The following RIN1 variants were observed in gnomAD, a reference collection of about 807,000 sequenced individuals.
RIN1 encodes the protein ras inhibitor 1.
RIN1 carries 52 observed loss-of-function variants against 64.9 expected under a neutral mutation model. The ratio of observed to expected loss-of-function variants is 0.80; its 90% CI spans 0.64 to 1.01. The LOEUF is 1.01. Ranked by LOEUF, RIN1 falls within the 50% of genes least tolerant of loss-of-function variation. The pLI, the probability that RIN1 is intolerant of heterozygous loss-of-function variation, is 0.00. For synonymous variants in RIN1, 486 were observed against 483.6 expected (o/e 1.00, Z -0.06); for missense variants, 1,040 against 1,064.5 (o/e 0.98, Z 0.32).
Position 66,332,390 on chromosome 11 carries a change from C to T in RIN1, c.2238G>A (p.Arg746=), listed in dbSNP as rs1314334792. ...TTGTCTCAGACTGTTCCCGAATGTC[C>T]CTGGGGCTGGCTTTGACCCCAGCAT... ...DGDAGVKASP[R]DIREQSETTA... The change falls in exon 10 of 10, where the codon AGG becomes AGA. Residue 746 remains arginine, a synonymous_variant. Coordinates refer to ENST00000311320, the MANE Select transcript of RIN1 (RefSeq NM_004292.3). 1.9e-6 allele frequency: 3 copies of T among 1,614,158 alleles called. No individual in the cohort carries two copies. The East Asian group carries it at 6.7e-5, about 36-fold the overall frequency.
rs946369175 is a variant in RIN1, at chr11:66,332,117, T to C, written c.*159A>G. 3.7e-5 allele frequency: 28 copies of C among 747,984 alleles called. No homozygotes were observed. Among genetic ancestry groups the C allele is most frequent in the Admixed American group, 1.8e-4 (8 of 44,348 alleles). 46.3% of individuals were successfully genotyped at this position (747,984 alleles called of 1,614,324 possible). A position where few individuals can be genotyped will look rare whatever the true frequency, so the allele number is the denominator to read the frequency against. Reference sequence around the variant, plus strand: ...GCCCCCTCATCTTTATTCCAGTTCCTCAGATGTGGCAGTTCCCCCAGCTTC... The same window carrying C: ...GCCCCCTCATCTTTATTCCAGTTCCCCAGATGTGGCAGTTCCCCCAGCTTC... On this transcript the variant is annotated 3_prime_UTR_variant, in exon 10 of 10. Transcript: ENST00000311320.
At position 66,335,802 on chromosome 11, in the gene RIN1, G is replaced by T; in HGVS notation, c.342C>A (p.Pro114=). ...LCMRLPEASG[P]SFVSSHYILE... ...GGATGTAGTGGCTGGAGACGAAGGA[G>T]GGGCCACTGGCTTCAGGCAACCGCA... The change falls in exon 3 of 10, where the codon CCC becomes CCA. Residue 114 remains proline (P), a synonymous_variant. Transcript: ENST00000311320. The T allele has an allele frequency of 6.2e-7, 1 of 1,610,610 alleles. No homozygotes were observed.
In RIN1 at chr11:66,332,205, G is replaced by C; in HGVS notation, c.*71C>G. ...CAGGACAGGGCCCTGGGTGGGGCTT[G>C]CTGGCGCTAAAAGGATTTCTCAGCA... is the stretch of plus-strand genomic sequence containing the variant. On this transcript the variant is annotated 3_prime_UTR_variant, in exon 10 of 10. Coordinates refer to ENST00000311320, the MANE Select transcript of RIN1 (RefSeq NM_004292.3). 1 of 1,429,536 alleles carries C rather than the reference G, an allele frequency of 7.0e-7. No individual in the cohort carries two copies. The highest frequency in any genetic ancestry group is 9.8e-7 in the Non-Finnish European group (1 of 1,020,376). The allele number at this position is 1,429,536 out of a possible 1,614,324, so 88.6% of individuals were successfully genotyped here.
At chr11:66,334,466 G>A (rs1424579880) in intron 6 of RIN1, 48 bp downstream of exon 6, 1 of 1,581,936 alleles carries the variant, frequency 6.3e-7, no homozygotes, top group South Asian at 1.2e-5. Context: ...GAGGGGAGCA[G>A]AGGGTCGGAT....
Position 66,332,522 on chromosome 11 carries a change from G to GC in RIN1, c.2105dup (p.Arg703ProfsTer6). The GC allele has an allele frequency of 6.2e-7, 1 of 1,613,816 alleles. No homozygotes were observed. The highest frequency in any genetic ancestry group is 8.5e-7 in the Non-Finnish European group (1 of 1,179,802). Reference sequence around the variant, plus strand: ...CCTGGGTCTCAGGCCACTCCGCCCGGCGGTAGACGAGGTAGCCAGTGGTGG... The same window carrying GC: ...CCTGGGTCTCAGGCCACTCCGCCCGGCCGGTAGACGAGGTAGCCAGTGGTGG... On this transcript the variant is annotated frameshift_variant, in exon 10 of 10. Transcript: ENST00000311320. LOFTEE classifies it high-confidence loss of function.
At chr11:66,334,338 G>A in intron 6 of RIN1, 114 bp from the exon 7 acceptor site, 1 of 1,222,242 alleles carries the variant, frequency 8.2e-7, no homozygotes. Context: ...AGCAGGAGGA[G>A]GTAGCCTGGG....
Position 66,334,210 on chromosome 11 carries a change from TCTC to T in RIN1, c.1297_1299del (p.Glu433del), listed in dbSNP as rs1236527483. The T allele has an allele frequency of 4.8e-6, 7 of 1,468,396 alleles. No homozygotes were observed. In the East Asian group the frequency reaches 1.7e-4, roughly 36 times the overall value. The allele number at this position is 1,468,396 out of a possible 1,614,324, so 91.0% of individuals were successfully genotyped here. A position where few individuals can be genotyped will look rare whatever the true frequency, so the allele number is the denominator to read the frequency against. Reference sequence around the variant, plus strand: ...TTGAGCACAGAGCAATGCAATGACTTCTCCAGGACATGTTCTGCCGGAGGGACA... The same window carrying T: ...TTGAGCACAGAGCAATGCAATGACTTCAGGACATGTTCTGCCGGAGGGACA... On this transcript the variant is annotated inframe_deletion, in exon 7 of 10. Transcript: ENST00000311320.
chr11:66,334,769 G>T lies in RIN1; in HGVS notation c.1030C>A (p.Arg344=), dbSNP rs748853765. ...GCGCTCATGGACCGAAGCAGAGGTC[G>T]TCGGCGGCCCAGGTGGGGTGAGGTC... ...PATSPHLGRR[R]PLLRSMSAAF... Residue 344 remains arginine (R), a synonymous_variant, in exon 6 of 10, where the codon CGA becomes AGA. Transcript: ENST00000311320. 1.2e-5 allele frequency: 18 copies of T among 1,548,758 alleles called. No homozygotes were observed. The highest frequency in any genetic ancestry group is 1.6e-5 in the Non-Finnish European group (18 of 1,146,870).
chr11:66,334,404 A>T (rs911593385), intron 6 of RIN1, 110 bp downstream of exon 6: 6 of 1,440,390 alleles, frequency 4.2e-6, no homozygotes, highest in Non-Finnish European at 5.7e-6. Flanking sequence ...CAGTGGTAAG[A>T]CAAGATGGAT....
At position 66,334,086 on chromosome 11, in the gene RIN1, T is replaced by G. The variant is rs763931104; in HGVS notation, c.1424A>C (p.Gln475Pro). The G allele has an allele frequency of 4.5e-6, 7 of 1,564,290 alleles. No individual in the cohort carries two copies. Among genetic ancestry groups the G allele is most frequent in the Non-Finnish European group, 1.7e-6 (2 of 1,155,014 alleles). ...LAEGLRLARAQGPGAFGSHLS... is the reference protein window; with the variant it reads ...LAEGLRLARAPGPGAFGSHLS... ...GTGGGACCCGAAGGCTCCGGGGCCC[T>G]GGGCCCGGGCCAGGCGGAGGCCCTC... Residue 475 changes from glutamine (Q) to proline (P), a missense_variant, in exon 7 of 10, where the codon CAG (glutamine) becomes CCG (proline). Gln to Pro is a moderately conservative substitution (Grantham distance 76). Coordinates refer to ENST00000311320, the MANE Select transcript of RIN1 (RefSeq NM_004292.3).
chr11:66,336,316 CT>C lies in RIN1; in HGVS notation c.86del (p.Lys29SerfsTer28). 1 of 1,612,428 alleles carries C rather than the reference CT, an allele frequency of 6.2e-7. No homozygotes were observed. Among genetic ancestry groups the C allele is most frequent in the Non-Finnish European group, 8.5e-7 (1 of 1,179,288 alleles). On this transcript the variant is annotated frameshift_variant and splice_region_variant, in exon 1 of 10. Coordinates refer to ENST00000311320, the MANE Select transcript of RIN1 (RefSeq NM_004292.3). LOFTEE classifies it high-confidence loss of function. ...SFTTGHLAREKPAQDPLYDVP... is the reference protein window; with the variant it reads ...SFTTGHLAREXPAQDPLYDVP... ...CTGGCTGCCCTGCCAACTTCACTAACTTTTCTCTCGCCAGGTGCCCAGTAGT... is the reference window on the plus strand; with the variant it reads ...CTGGCTGCCCTGCCAACTTCACTAACTTTCTCTCGCCAGGTGCCCAGTAGT...
chr11:66,336,494 C>T, upstream of RIN1: 1 of 1,061,452 alleles, frequency 9.4e-7, no homozygotes, highest in Non-Finnish European at 1.4e-6. Context: ...GGGCGGTCCG[C>T]CTGTCACACC....
intron 7 of RIN1, 38 bp from the exon 8 acceptor site, chr11:66,333,696 A>G: frequency 6.3e-7 from 1 of 1,585,130 alleles, no homozygotes; most frequent in Non-Finnish European, 8.6e-7. Flanking sequence ...CTTCAGGTAC[A>G]GTCCTTGCTT....
rs377672728 is a variant in RIN1 at position 66,335,664 on chromosome 11, G to T, written c.401C>A (p.Ser134Ter). 4 of 1,613,404 alleles carry T rather than the reference G, an allele frequency of 2.5e-6. No homozygotes were observed. In the African/African-American group the frequency reaches 4.0e-5, roughly 16 times the overall value. Residue 134 changes from serine to a stop codon, truncating the protein, a stop_gained, in exon 4 of 10, where the codon TCG becomes TAG. Coordinates refer to ENST00000311320, the MANE Select transcript of RIN1 (RefSeq NM_004292.3). LOFTEE classifies it high-confidence loss of function. ...ESPGGVSLEGSELMFPDLVQL... is the reference protein window; with the variant it reads ...ESPGGVSLEG ...GACTAGGTCTGGGAACATGAGCTCC[G>T]AGCCCTCCAAGGAGACGCCTGAGAG...
At chr11:66,333,163 G>T in intron 9 of RIN1, 95 bp downstream of exon 9, 1 of 1,453,560 alleles carries the variant, frequency 6.9e-7, no homozygotes, top group Non-Finnish European at 9.5e-7. Flanking sequence ...TAGAACCCAG[G>T]ATCTGTCTAC....
At chr11:66,335,544 C>T (rs80130696) in intron 4 of RIN1, 46 bp from the exon 5 acceptor site, 37 of 1,612,380 alleles carry the variant, frequency 2.3e-5, no homozygotes, top group Middle Eastern at 3.3e-4. Flanking sequence ...CCGAAGAGGG[C>T]GGGAAGGATG....
chr11:66,336,046 G>T lies in RIN1; in HGVS notation c.199C>A (p.Pro67Thr), dbSNP rs769635272. 4.1e-6 allele frequency: 6 copies of T among 1,468,422 alleles called. No homozygotes were observed. The African/African-American group carries it at 8.5e-5, about 21-fold the overall frequency. The allele number at this position is 1,468,422 out of a possible 1,614,324, so 91.0% of individuals were successfully genotyped here. A position where few individuals can be genotyped will look rare whatever the true frequency, so the allele number is the denominator to read the frequency against. The change falls in exon 2 of 10, where the codon CCC (proline) becomes ACC (threonine). Residue 67 changes from proline (P) to threonine (T), a missense_variant. Pro to Thr is a conservative substitution (Grantham distance 38). Coordinates refer to ENST00000311320, the MANE Select transcript of RIN1 (RefSeq NM_004292.3). ...TTGGCTTGCAGCTGCAGCCACACGG[G>T]CCGGGTGAGCAGCAGGCGCTCCCGC... ...SLRERLLLTR[P>T]VWLQLQANAA...
At position 66,336,044 on chromosome 11, in the gene RIN1, G is replaced by A. The variant is rs772233272; in HGVS notation, c.201C>T (p.Pro67=). 4.8e-5 allele frequency: 70 copies of A among 1,466,918 alleles called. No homozygotes were observed. Among genetic ancestry groups the A allele is most frequent in the Non-Finnish European group, 6.0e-5 (66 of 1,108,596 alleles). The allele number at this position is 1,466,918 out of a possible 1,614,324, so 90.9% of individuals were successfully genotyped here. A position where few individuals can be genotyped will look rare whatever the true frequency, so the allele number is the denominator to read the frequency against. ...SLRERLLLTR[P]VWLQLQANAA... The stretch of plus-strand genomic sequence containing the variant: ...CGTTGGCTTGCAGCTGCAGCCACAC[G>A]GGCCGGGTGAGCAGCAGGCGCTCCC... Residue 67 remains proline (P), a synonymous_variant, in exon 2 of 10, where the codon CCC becomes CCT. Coordinates refer to ENST00000311320, the MANE Select transcript of RIN1 (RefSeq NM_004292.3).
chr11:66,334,849 C>A lies in RIN1; in HGVS notation c.950G>T (p.Gly317Val), dbSNP rs1481562628. Residue 317 changes from glycine (G) to valine (V), a missense_variant, in exon 6 of 10, where the codon GGC becomes GTC. Physicochemically the swap from Gly to Val is moderately radical, Grantham distance 109. Transcript: ENST00000311320. ...PMPSLQEVDC[G>V]SPSSSEEEGV... is the part of the protein sequence containing the mutation. ...CTCCTCCTCGGAGCTGCTGGGGGAG[C>A]CGCAGTCCACCTCTTGGAGGGAGGG... is the stretch of plus-strand genomic sequence containing the variant. The A allele has an allele frequency of 6.4e-7, 1 of 1,552,058 alleles. No individual in the cohort carries two copies.
Sources: gnomAD v4.1 joint callset for allele counts on GRCh38, gnomAD v4.1.1 for gene constraint, MANE v1.5 for transcripts, NCBI Gene and HGNC (gene_info 2026-07-23, HGNC 2026-07-21) for gene names.